MAF: variants seen among roughly 807,000 people sequenced by gnomAD.
MAF encodes transcription factor Maf.
In MAF, 10 loss-of-function variants were observed where a neutral mutation model predicts 22.0. The ratio of observed to expected loss-of-function variants is 0.45; its 90% CI spans 0.28 to 0.77. The LOEUF (loss-of-function observed/expected upper bound fraction) is 0.77. MAF is among the 30% of genes least tolerant of loss of function. The pLI is 0.12. For missense variants in MAF, 544 were observed against 548.4 expected (o/e 0.99, Z 0.08); for synonymous variants, 337 against 255.8 (o/e 1.32, Z -3.03).
chr16:79,463,928 G>A, the MAF span, among the ~76,000 whole-genome samples: 1 of 149,702 alleles, frequency 6.7e-6, no homozygotes, highest in Non-Finnish European at 1.5e-5. Context: ...GCTTCTGTAA[G>A]AAGAGTGTTA....
At chr16:79,265,145 G>T in the MAF span, among the ~76,000 whole-genome samples, 8 of 151,924 alleles carry the variant, frequency 5.3e-5, no homozygotes, top group East Asian at 3.9e-4. Flanking sequence ...TGCATAAATG[G>T]AAGTCATTAT....
the MAF span, among the ~76,000 whole-genome samples, chr16:79,398,428 A>T: frequency 2.6e-5 from 4 of 152,226 alleles, no homozygotes; most frequent in Non-Finnish European, 4.4e-5. Flanking sequence ...CAGGGATTAG[A>T]GCACAGATAT....
the MAF span, among the ~76,000 whole-genome samples, chr16:79,463,551 T>A: frequency 6.6e-6 from 1 of 152,120 alleles, no homozygotes; most frequent in African/African-American, 2.4e-5. Context: ...CTGAGTATAT[T>A]TTGGAAATTG....
chr16:79,374,738 T>A, the MAF span, among the ~76,000 whole-genome samples: 1 of 152,146 alleles, frequency 6.6e-6, no homozygotes, highest in Non-Finnish European at 1.5e-5. Flanking sequence ...CTGAGTGACA[T>A]GGGAAATTGG....
chr16:79,516,533 G>C, the MAF span, among the ~76,000 whole-genome samples: 1 of 152,208 alleles, frequency 6.6e-6, no homozygotes, highest in African/African-American at 2.4e-5. Flanking sequence ...GCTAGTAATA[G>C]ATGTAGTAAT....
At chr16:79,528,602 T>C in the MAF span, among the ~76,000 whole-genome samples, 1 of 150,978 alleles carries the variant, frequency 6.6e-6, no homozygotes, top group South Asian at 2.1e-4. Context: ...AATAACCCAT[T>C]CTCTTAATAA....
the MAF span, chr16:79,203,859 G>A: frequency 6.6e-6 from 1 of 152,150 alleles, no homozygotes; most frequent in Admixed American, 6.5e-5. Context: ...TTTATACGCA[G>A]TACACGAGCT....
chr16:79,214,282 C>A, the MAF span, among the ~76,000 whole-genome samples: 4 of 152,130 alleles, frequency 2.6e-5, no homozygotes, highest in Non-Finnish European at 5.9e-5. Context: ...GGCCACAGTA[C>A]CTTGAACTGC....
chr16:79,513,945 T>G, the MAF span, among the ~76,000 whole-genome samples: 1 of 152,078 alleles, frequency 6.6e-6, no homozygotes, highest in Admixed American at 6.6e-5. Context: ...TAAATCCTCA[T>G]CAAAGGAAAG....
chr16:79,337,399 G>T, the MAF span, among the ~76,000 whole-genome samples: 8 of 152,036 alleles, frequency 5.3e-5, no homozygotes, highest in Admixed American at 4.6e-4. Context: ...GTGAAATTCT[G>T]TCTCTACTAA....
the MAF span, among the ~76,000 whole-genome samples, chr16:79,208,242 T>A: frequency 0.6 from 91,402 of 152,022 alleles, 29,344 homozygotes; most frequent in Non-Finnish European, 0.73. Flanking sequence ...AAAAGATTCT[T>A]CTGGGCTTCC....
the MAF span, among the ~76,000 whole-genome samples, chr16:79,488,200 C>T: frequency 6.6e-6 from 1 of 152,156 alleles, no homozygotes; most frequent in East Asian, 1.9e-4. Context: ...CTGTCTTGTG[C>T]CAGCCAGCCA....
At chr16:79,502,405 C>T in the MAF span, among the ~76,000 whole-genome samples, 7 of 152,238 alleles carry the variant, frequency 4.6e-5, no homozygotes, top group African/African-American at 1.2e-4. Flanking sequence ...GTGGGTCATG[C>T]GCCTAACTCC....
chr16:79,496,518 C>A, the MAF span, among the ~76,000 whole-genome samples: 4 of 152,196 alleles, frequency 2.6e-5, no homozygotes, highest in Non-Finnish European at 5.9e-5. Context: ...ATCACAGCTG[C>A]TACTAGAAAT....
the MAF span, among the ~76,000 whole-genome samples, chr16:79,350,465 C>T: frequency 6.6e-6 from 1 of 152,200 alleles, no homozygotes; most frequent in Non-Finnish European, 1.5e-5. Context: ...TCCACCAAAT[C>T]ATTTTCTTTT....
the MAF span, chr16:79,212,437 T>TTTAGAGA: frequency 6.9e-6 from 2 of 290,436 alleles, no homozygotes; most frequent in Middle Eastern, 1.1e-3. Flanking sequence ...CAAAAAATTC[T>TTTAGAGA]TTAGAGATTA....
downstream of MAF, among the ~76,000 whole-genome samples, chr16:79,582,334 G>A (rs374009867): frequency 9.2e-5 from 14 of 152,322 alleles, 1 homozygote; most frequent in South Asian, 2.9e-3. Context: ...TAGAATGAAA[G>A]CTCTACAGAA....
the MAF span, among the ~76,000 whole-genome samples, chr16:79,317,663 G>C: frequency 6.6e-6 from 1 of 152,112 alleles, no homozygotes; most frequent in Non-Finnish European, 1.5e-5. Context: ...TGACCTCCCA[G>C]AGGGAACAGC....
At chr16:79,449,349 C>G in the MAF span, among the ~76,000 whole-genome samples, 2 of 152,106 alleles carry the variant, frequency 1.3e-5, no homozygotes, top group Non-Finnish European at 2.9e-5. Flanking sequence ...ATAAACATAA[C>G]TTTTATATGC....
Sources: gnomAD v4.1 joint callset for allele counts (sites outside exome capture counted in the v4.1 genomes callset) on GRCh38, gnomAD v4.1.1 for gene constraint, MANE v1.5 for transcripts, NCBI Gene and HGNC (gene_info 2026-07-23, HGNC 2026-07-21) for gene names.